LRP12: variants seen among roughly 807,000 people sequenced by gnomAD.
The protein encoded by LRP12 is LDL receptor related protein 12, also known as low-density lipoprotein receptor-related protein 12.
Under a neutral mutation model 66.0 loss-of-function variants are expected in LRP12, and 14 were observed. That is an observed-to-expected ratio of 0.21 (90% CI 0.14 to 0.33). The LOEUF is 0.33. Among genes scored for constraint, LRP12 ranks in the 10% least tolerant of loss-of-function variants. LRP12 has a pLI of 1.00. For synonymous variants in LRP12, 357 were observed against 359.1 expected (o/e 0.99, Z 0.07); for missense variants, 889 against 1,053.4 (o/e 0.84, Z 2.16).
At chr8:104,586,925 C>T (rs1002138172) in intron 1 of LRP12, among the ~76,000 whole-genome samples, 2 of 152,116 alleles carry the variant, frequency 1.3e-5, no homozygotes, top group Admixed American at 6.5e-5. Context: ...GCGGCCCACA[C>T]TGTTGGAAAA....
intron 1 of LRP12, among the ~76,000 whole-genome samples, chr8:104,547,613 T>G (rs1564141435): frequency 8.1e-6 from 1 of 122,938 alleles, no homozygotes; most frequent in African/African-American, 3.3e-5. Flanking sequence ...TATTAATATA[T>G]AATATATTAA....
Position 104,588,982 on chromosome 8 carries a change from CCGCCGCCGCCGCCGCCG to C in LRP12, c.-102_-86del. On this transcript the variant is annotated 5_prime_UTR_variant, in exon 1 of 7. Coordinates refer to ENST00000276654, the MANE Select transcript of LRP12 (RefSeq NM_013437.5). The stretch of plus-strand genomic sequence containing the variant: ...GTAGACGACGCCGACGCCGCCGCCG[CCGCCGCCGCCGCCGCCG>C]AGCCACCGGCTGCTCCCTGCGCTCT... 1.3e-6 allele frequency: 1 copy of C among 765,632 alleles called. No individual in the cohort carries two copies. The highest frequency in any genetic ancestry group is 2.0e-6 in the Non-Finnish European group (1 of 503,374). 47.4% of individuals were successfully genotyped at this position (765,632 alleles called of 1,614,324 possible).
intron 2 of LRP12, among the ~76,000 whole-genome samples, chr8:104,525,922 T>C (rs1055646657): frequency 1.3e-5 from 2 of 152,248 alleles, no homozygotes; most frequent in Admixed American, 6.5e-5. Flanking sequence ...TGATTGTGTA[T>C]CTAGAAAACC....
intron 5 of LRP12, among the ~76,000 whole-genome samples, chr8:104,496,627 A>T (rs900670806): frequency 9.8e-5 from 15 of 152,336 alleles, no homozygotes; most frequent in African/African-American, 3.6e-4. Context: ...CTTTGAACAT[A>T]GCATATAGAA....
At chr8:104,586,298 CA>C (rs1225123113) in intron 1 of LRP12, among the ~76,000 whole-genome samples, 1 of 152,082 alleles carries the variant, frequency 6.6e-6, no homozygotes, top group Non-Finnish European at 1.5e-5. Flanking sequence ...AAATAAACAA[CA>C]AAAAATTTTT....
intron 2 of LRP12, among the ~76,000 whole-genome samples, chr8:104,514,363 A>C (rs553946694): frequency 4.6e-5 from 7 of 151,980 alleles, no homozygotes; most frequent in Non-Finnish European, 8.8e-5. Flanking sequence ...TACTCATTTT[A>C]CATTATAGAT....
intron 1 of LRP12, among the ~76,000 whole-genome samples, chr8:104,554,427 T>TA (rs1267363300): frequency 1.3e-5 from 2 of 150,768 alleles, no homozygotes; most frequent in Admixed American, 6.6e-5. Flanking sequence ...ATAGCATAAA[T>TA]AAAAAACAAT....
chr8:104,549,079 T>G (rs1365659431), intron 1 of LRP12, among the ~76,000 whole-genome samples: 1 of 152,144 alleles, frequency 6.6e-6, no homozygotes, highest in Non-Finnish European at 1.5e-5. Context: ...ACTTCAGACC[T>G]TTCTTTCCTC....
chr8:104,490,584 T>G lies in LRP12; in HGVS notation c.*89A>C, dbSNP rs1810603001. On this transcript the variant is annotated 3_prime_UTR_variant, in exon 7 of 7. Transcript: ENST00000276654. ...GAAATCACCCTGCATTTTTTCTTTT[T>G]AAACTAAAACTAGTTTAACTGTAAA... is the stretch of plus-strand genomic sequence containing the variant. 17 of 1,455,318 alleles carry G rather than the reference T, an allele frequency of 1.2e-5. No homozygotes were observed. Among genetic ancestry groups the G allele is most frequent in the Non-Finnish European group, 1.6e-5 (17 of 1,083,384 alleles). 90.2% of individuals were successfully genotyped at this position (1,455,318 alleles called of 1,614,324 possible). A position where few individuals can be genotyped will look rare whatever the true frequency, so the allele number is the denominator to read the frequency against.
intron 2 of LRP12, 40 bp from the exon 3 acceptor site, chr8:104,509,114 A>G (rs1432950713): frequency 6.3e-7 from 1 of 1,596,454 alleles, no homozygotes; most frequent in South Asian, 1.1e-5. Context: ...ATTATTACAC[A>G]TTTAAATGGT....
chr8:104,563,723 A>C (rs1004212747), intron 1 of LRP12, among the ~76,000 whole-genome samples: 1 of 152,090 alleles, frequency 6.6e-6, no homozygotes, highest in Non-Finnish European at 1.5e-5. Context: ...CTCTTTTGCC[A>C]TGTGAGGACA....
At chr8:104,553,266 C>T (rs1430188937) in intron 1 of LRP12, among the ~76,000 whole-genome samples, 2 of 152,148 alleles carry the variant, frequency 1.3e-5, no homozygotes, top group Non-Finnish European at 2.9e-5. Context: ...CAGATACATG[C>T]ACAGAAGTCT....
At chr8:104,546,063 T>C (rs964976696) in intron 1 of LRP12, among the ~76,000 whole-genome samples, 2 of 152,168 alleles carry the variant, frequency 1.3e-5, no homozygotes, top group African/African-American at 4.8e-5. Flanking sequence ...GGTAGTTTTT[T>C]CTTTCTTGTT....
chr8:104,516,949 A>C (rs1588489152), intron 2 of LRP12, among the ~76,000 whole-genome samples: 1 of 152,070 alleles, frequency 6.6e-6, no homozygotes, highest in East Asian at 1.9e-4. Context: ...TTGATACTTC[A>C]TGACAAAAAG....
intron 1 of LRP12, among the ~76,000 whole-genome samples, chr8:104,564,226 A>G (rs562421583): frequency 5.9e-5 from 9 of 152,326 alleles, no homozygotes; most frequent in Admixed American, 3.3e-4. Context: ...AGAAGTTTCT[A>G]ACCTCCTACA....
chr8:104,524,309 T>C (rs534968008), intron 2 of LRP12, among the ~76,000 whole-genome samples: 11 of 152,040 alleles, frequency 7.2e-5, no homozygotes, highest in Non-Finnish European at 1.6e-4. Flanking sequence ...TAATTGAATG[T>C]TTATGTTGTT....
At chr8:104,547,317 C>T (rs1811588654) in intron 1 of LRP12, among the ~76,000 whole-genome samples, 1 of 126,828 alleles carries the variant, frequency 7.9e-6, no homozygotes, top group Non-Finnish European at 1.6e-5. Context: ...ATATACAATT[C>T]TGTTATATTT....
At position 104,532,872 on chromosome 8, in the gene LRP12, C is replaced by G. The variant is rs150378356; in HGVS notation, c.80-909G>C. Among the ~76,000 whole-genome samples, 409 of 152,190 alleles carry G rather than the reference C, an allele frequency of 2.7e-3. 4 individuals carry two copies. The highest frequency in any genetic ancestry group is 0.018 in the East Asian group (92 of 5,180). On this transcript the variant is annotated intron_variant, in intron 1 of 6. Transcript: ENST00000276654. ...CCCACTGTAGGCACAGTTCCTGATA[C>G]AGAGGAGGCGCACAAATAGCTGAAA...
intron 2 of LRP12, among the ~76,000 whole-genome samples, chr8:104,510,781 C>A (rs1247676848): frequency 9.9e-5 from 15 of 152,004 alleles, no homozygotes; most frequent in Admixed American, 9.8e-4. Context: ...AACTCAAAAA[C>A]CATGAGCTCA....
Sources: gnomAD v4.1 joint callset for allele counts (sites outside exome capture counted in the v4.1 genomes callset) on GRCh38, gnomAD v4.1.1 for gene constraint, MANE v1.5 for transcripts, NCBI Gene and HGNC (gene_info 2026-07-23, HGNC 2026-07-21) for gene names.